The following METTL17 variants were observed in gnomAD, a reference collection of about 807,000 sequenced individuals.
The protein encoded by METTL17 is methyltransferase like 17.
A neutral mutation model predicts 59.4 loss-of-function variants in METTL17; 49 were observed. The observed-to-expected ratio is 0.82, with a 90% confidence interval of 0.66 to 1.05. The LOEUF (loss-of-function observed/expected upper bound fraction) is 1.05. METTL17 is among the 50% of genes least tolerant of loss of function. The probability of loss-of-function intolerance (pLI) is 0.00; values close to 1 mark genes in which losing one functional copy is unlikely to be tolerated. For synonymous variants in METTL17, 208 were observed against 209.2 expected (o/e 0.99, Z 0.05); for missense variants, 555 against 578.4 (o/e 0.96, Z 0.41).
intron 5 of METTL17, 44 bp from the exon 6 acceptor site, chr14:20,993,074 A>C (rs755306075): frequency 3.2e-6 from 5 of 1,538,886 alleles, no homozygotes; most frequent in Non-Finnish European, 4.5e-6. Flanking sequence ...GGTCCTAAAT[A>C]AGTATCTAAT....
chr14:20,996,479 T>C (rs1342610075), intron 12 of METTL17, 48 bp from the exon 13 acceptor site: 14 of 1,571,586 alleles, frequency 8.9e-6, no homozygotes, highest in Non-Finnish European at 1.2e-5. Context: ...TACAAACTTT[T>C]TTCCCATATC....
Position 20,995,914 on chromosome 14 carries a change from C to T in METTL17, c.959C>T (p.Ser320Leu). The T allele has an allele frequency of 6.2e-7, 1 of 1,614,068 alleles. No homozygotes were observed. The highest frequency in any genetic ancestry group is 8.5e-7 in the Non-Finnish European group (1 of 1,179,970). The change falls in exon 11 of 14, where the codon TCA (serine) becomes TTA (leucine). Residue 320 changes from serine to leucine, a missense_variant. Coordinates refer to ENST00000339374, the MANE Select transcript of METTL17 (RefSeq NM_022734.3). ...CTTTGATTTCAGGGAAAAGAGAAGTCACCTTTGGACCCTCGACCTGGTTTT... is the reference window on the plus strand; with the variant it reads ...CTTTGATTTCAGGGAAAAGAGAAGTTACCTTTGGACCCTCGACCTGGTTTT... Reference protein sequence around the residue: ...RDLVLKGKEKSPLDPRPGFVF... With the variant: ...RDLVLKGKEKLPLDPRPGFVF...
At position 20,990,453 on chromosome 14, in the gene METTL17, T is replaced by G; in HGVS notation, c.230-11T>G. On this transcript the variant is annotated splice_polypyrimidine_tract_variant and intron_variant, in intron 2 of 13. Transcript: ENST00000339374. ...ATGCAAGTGATTCCGCTTTTCGTCT[T>G]TGGCCCATAGGGAGCGCTGGGCCCA... is the stretch of plus-strand genomic sequence containing the variant. 5 of 1,614,062 alleles carry G rather than the reference T, an allele frequency of 3.1e-6. No homozygotes were observed. The highest frequency in any genetic ancestry group is 4.2e-6 in the Non-Finnish European group (5 of 1,179,942).
At chr14:20,994,509 A>G in intron 7 of METTL17, 34 bp from the exon 8 acceptor site, 1 of 1,565,314 alleles carries the variant, frequency 6.4e-7, no homozygotes, top group South Asian at 1.1e-5. Context: ...CTAACTTCCT[A>G]CACACTCACA....
Position 20,990,502 on chromosome 14 carries a change from C to T in METTL17, c.268C>T (p.Leu90=), listed in dbSNP as rs766101339. 1 of 1,614,254 alleles carries T rather than the reference C, an allele frequency of 6.2e-7. No homozygotes were observed. Among genetic ancestry groups the T allele is most frequent in the Non-Finnish European group, 8.5e-7 (1 of 1,180,056 alleles). ...CACTATGGAGAATCAGGTGCAAACA[C>T]TGACCAGTTATCTCTGGAGCAGACA... ...GPTMENQVQT[L]TSYLWSRHLP... is the part of the protein sequence containing the mutation. Residue 90 remains leucine (L), a synonymous_variant, in exon 3 of 14, where the codon CTG becomes TTG. Transcript: ENST00000339374.
chr14:20,992,818 G>T, intron 5 of METTL17, 196 bp downstream of exon 5: 1 of 610,240 alleles, frequency 1.6e-6, no homozygotes, highest in East Asian at 2.7e-5. Flanking sequence ...GCTTGAGCCA[G>T]TTTGAGGCTG....
At position 20,992,168 on chromosome 14, in the gene METTL17, G is replaced by A. The variant is rs373930841; in HGVS notation, c.409G>A (p.Ala137Thr). Residue 137 changes from alanine (A) to threonine (T), a missense_variant, in exon 4 of 14, where the codon GCA becomes ACA. Transcript: ENST00000339374. ...GAAACTTCGTGGAGCAGTGCTACAC[G>A]CACTACGTAAAACTACCTACCATTG... ...EEKLRGAVLHALRKTTYHWQE... is the reference protein window; with the variant it reads ...EEKLRGAVLHTLRKTTYHWQE... The A allele has an allele frequency of 1.1e-5, 17 of 1,611,068 alleles. No homozygotes were observed. Among genetic ancestry groups the A allele is most frequent in the South Asian group, 8.9e-5 (8 of 90,282 alleles).
intron 10 of METTL17, 32 bp from the exon 11 acceptor site, chr14:20,995,869 A>C: frequency 6.2e-7 from 1 of 1,601,634 alleles, no homozygotes; most frequent in East Asian, 2.2e-5. Context: ...CCCTTGGCCC[A>C]GCTTTATTTC....
chr14:20,996,212 C>A lies in METTL17; in HGVS notation c.1000C>A (p.Pro334Thr). The change falls in exon 12 of 14, where the codon CCC becomes ACC. Residue 334 changes from proline to threonine, a missense_variant. Pro to Thr is a conservative substitution (Grantham distance 38). Coordinates refer to ENST00000339374, the MANE Select transcript of METTL17 (RefSeq NM_022734.3). Reference sequence around the variant, plus strand: ...TCATTTTTTTATGTGTTCACAGTGTCCCCATGAACTCCCTTGTCCCCAGTT... The same window carrying A: ...TCATTTTTTTATGTGTTCACAGTGTACCCATGAACTCCCTTGTCCCCAGTT... ...PRPGFVFAPC[P>T]HELPCPQLTN... 6.2e-7 allele frequency: 1 copy of A among 1,613,720 alleles called. No individual in the cohort carries two copies. Among genetic ancestry groups the A allele is most frequent in the Middle Eastern group, 1.6e-4 (1 of 6,062 alleles).
intron 6 of METTL17, chr14:20,993,745 T>C (rs56023476): frequency 1.2e-5 from 4 of 331,560 alleles, no homozygotes; most frequent in Non-Finnish European, 2.2e-5. Context: ...AGTGCTGGGA[T>C]TACAAGCATG....
chr14:20,992,606 C>T lies in METTL17; in HGVS notation c.512C>T (p.Ser171Phe), dbSNP rs771946087. 12 of 1,613,628 alleles carry T rather than the reference C, an allele frequency of 7.4e-6. No individual in the cohort carries two copies. The highest frequency in any genetic ancestry group is 6.7e-5 in the Admixed American group (4 of 60,004). ...ARLDGGFAAV[S>F]RAFHEIRARN... ...CTGGATGGTGGCTTTGCAGCAGTCT[C>T]CAGAGCATTCCATGAGGTGAAAGTC... The change falls in exon 5 of 14, where the codon TCC (serine) becomes TTC (phenylalanine). Residue 171 changes from serine to phenylalanine, a missense_variant. Ser to Phe is a radical substitution (Grantham distance 155). Transcript: ENST00000339374.
intron 7 of METTL17, 138 bp downstream of exon 7, chr14:20,994,201 A>T: frequency 1.5e-6 from 1 of 665,418 alleles, no homozygotes; most frequent in Non-Finnish European, 2.6e-6. Context: ...AGTCAAGCAA[A>T]GGGTGGTATT....
intron 6 of METTL17, chr14:20,993,756 A>G: frequency 5.7e-6 from 2 of 352,582 alleles, no homozygotes; most frequent in Non-Finnish European, 1.0e-5. Context: ...TACAAGCATG[A>G]GCCACTGTGC....
At chr14:20,994,462 G>T in intron 7 of METTL17, 81 bp from the exon 8 acceptor site, 1 of 1,184,504 alleles carries the variant, frequency 8.4e-7, no homozygotes, top group Non-Finnish European at 1.3e-6. Context: ...TATTCTTGGG[G>T]CCATGTTTCT....
chr14:20,990,923 C>T (rs1419169129), intron 3 of METTL17, among the ~76,000 whole-genome samples: 4 of 152,080 alleles, frequency 2.6e-5, no homozygotes, highest in African/African-American at 9.7e-5. Context: ...CTCCGCCTCC[C>T]GGGTTTAAGT....
In METTL17 at chr14:20,993,451, C is replaced by T. The variant is rs1435138046; in HGVS notation, c.602+260C>T. ...GAATTATCAATCAAAGTTGTTTTTGCCTACAAATAGTATTTTGAGTCTACC... is the reference window on the plus strand; with the variant it reads ...GAATTATCAATCAAAGTTGTTTTTGTCTACAAATAGTATTTTGAGTCTACC... On this transcript the variant is annotated intron_variant, in intron 6 of 13. Transcript: ENST00000339374. The T allele has an allele frequency of 1.5e-5, 7 of 472,684 alleles. No individual in the cohort carries two copies. The Admixed American group carries it at 2.7e-4, about 18-fold the overall frequency. The allele number at this position is 472,684 out of a possible 1,614,324, so 29.3% of individuals were successfully genotyped here. A position where few individuals can be genotyped will look rare whatever the true frequency, so the allele number is the denominator to read the frequency against.
rs375754487 is a variant in METTL17 at position 20,992,656 on chromosome 14, T to G, written c.528+34T>G. On this transcript the variant is annotated intron_variant, in intron 5 of 13. Transcript: ENST00000339374. ...CCCTTAACTTCCAACCTGAACTTTT[T>G]GACCATCAGTTCCCTATTCATAAAG... 3.4e-6 allele frequency: 5 copies of G among 1,484,518 alleles called. No homozygotes were observed. The East Asian group carries it at 1.1e-4, about 34-fold the overall frequency. The allele number at this position is 1,484,518 out of a possible 1,614,324, so 92.0% of individuals were successfully genotyped here. A position where few individuals can be genotyped will look rare whatever the true frequency, so the allele number is the denominator to read the frequency against.
In METTL17 at chr14:20,994,062, A is replaced by T; in HGVS notation, c.696A>T (p.Lys232Asn). 1.2e-6 allele frequency: 2 copies of T among 1,612,868 alleles called. No individual in the cohort carries two copies. Among genetic ancestry groups the T allele is most frequent in the South Asian group, 1.1e-5 (1 of 91,052 alleles). The change falls in exon 7 of 14, where the codon AAA (lysine) becomes AAT (asparagine). Residue 232 changes from lysine to asparagine, a missense_variant and splice_region_variant. Coordinates refer to ENST00000339374, the MANE Select transcript of METTL17 (RefSeq NM_022734.3). ...AMLVLAEKLL[K>N]GGSESGEPYI... is the part of the protein sequence containing the mutation. ...TGGTTTTGGCAGAAAAACTACTGAA[A>T]GGTGAGTGCAAGAGCACTTCCAAAG...
At chr14:20,993,692 C>T (rs1880177924) in intron 6 of METTL17, 2 of 245,962 alleles carry the variant, frequency 8.1e-6, no homozygotes, top group South Asian at 6.8e-5. Context: ...CCAGGCTGGT[C>T]TCTAACTCCT....
Sources: allele counts gnomAD v4.1 joint callset (sites outside exome capture counted in the v4.1 genomes callset), GRCh38; gene constraint gnomAD v4.1.1; transcripts MANE v1.5; gene names NCBI Gene and HGNC (gene_info 2026-07-23, HGNC 2026-07-21).